Variants in SOBP observed in about 807,000 individuals in gnomAD.
SOBP encodes sine oculis-binding protein homolog.
SOBP carries 4 observed loss-of-function variants against 53.6 expected under a neutral mutation model. The observed-to-expected ratio is 0.07, with a 90% CI of 0.04 to 0.17. SOBP has a LOEUF of 0.17. SOBP is among the 10% of genes least tolerant of loss of function. The pLI is 1.00. For missense variants in SOBP, 1,088 were observed against 1,204.7 expected (o/e 0.90, Z 1.43); for synonymous variants, 584 against 522.6 (o/e 1.12, Z -1.60).
At chr6:107,560,089 G>T (rs12332972) in intron 4 of SOBP, among the ~76,000 whole-genome samples, 3 of 152,120 alleles carry the variant, frequency 2.0e-5, no homozygotes, top group African/African-American at 7.2e-5. Context: ...ATAATGGTAC[G>T]TGCCTTAGAA....
chr6:107,658,902 A>C lies in SOBP; in HGVS notation c.*699A>C, dbSNP rs1238344813. On this transcript the variant is annotated 3_prime_UTR_variant, in exon 7 of 7. Coordinates refer to ENST00000317357, the MANE Select transcript of SOBP (RefSeq NM_018013.4). ...TATGGCTTTTAATTTTCGATTTGAC[A>C]GATGTAAGAAGCAGCATGAATAGTT... 1.3e-5 allele frequency: 2 copies of C among 152,610 alleles called. No individual in the cohort carries two copies. The highest frequency in any genetic ancestry group is 2.9e-5 in the Non-Finnish European group (2 of 68,028). The allele number at this position is 152,610 out of a possible 1,614,324, so 9.5% of individuals were successfully genotyped here.
chr6:107,629,314 T>C (rs1253613082), intron 5 of SOBP, among the ~76,000 whole-genome samples: 2 of 151,822 alleles, frequency 1.3e-5, no homozygotes, highest in Non-Finnish European at 1.5e-5. Context: ...GGTTTCTTAA[T>C]TAAATATTGC....
chr6:107,643,185 A>G (rs534632252), intron 6 of SOBP, among the ~76,000 whole-genome samples: 3 of 152,252 alleles, frequency 2.0e-5, no homozygotes, highest in Non-Finnish European at 4.4e-5. Context: ...AAAGAAATCT[A>G]CACACACACA....
chr6:107,606,484 A>G (rs765609620), intron 5 of SOBP, among the ~76,000 whole-genome samples: 1 of 152,170 alleles, frequency 6.6e-6, no homozygotes, highest in African/African-American at 2.4e-5. Flanking sequence ...GCAGCATTCA[A>G]GGGAATGCAG....
rs575465660 is a variant in SOBP at position 107,619,807 on chromosome 6, T to C, written c.670-13707T>C. On this transcript the variant is annotated intron_variant, in intron 5 of 6. Coordinates refer to ENST00000317357, the MANE Select transcript of SOBP (RefSeq NM_018013.4). ...TGGATTTGAGTAGGTCCACCCAGACTGAGGCTGTCCTGGGTACGCCACACC... is the reference window on the plus strand; with the variant it reads ...TGGATTTGAGTAGGTCCACCCAGACCGAGGCTGTCCTGGGTACGCCACACC... Among the ~76,000 whole-genome samples, 22 of 152,230 alleles carry C rather than the reference T, an allele frequency of 1.4e-4. No homozygotes were observed. In the East Asian group the frequency reaches 4.3e-3, roughly 29 times the overall value.
chr6:107,558,906 T>C (rs1259582888), intron 4 of SOBP, among the ~76,000 whole-genome samples: 6 of 152,088 alleles, frequency 3.9e-5, no homozygotes. Flanking sequence ...TTTCATAGCG[T>C]ATAATACTAC....
chr6:107,550,856 T>A (rs1784440879), intron 4 of SOBP, among the ~76,000 whole-genome samples: 1 of 152,242 alleles, frequency 6.6e-6, no homozygotes, highest in Admixed American at 6.5e-5. Context: ...TCACGGACTT[T>A]GTAGGAATGC....
At position 107,621,756 on chromosome 6, in the gene SOBP, G is replaced by A. The variant is rs1403130028; in HGVS notation, c.670-11758G>A. ...GTGACTGGTGCTGGCCTGAAGCTGA[G>A]CCTAGGGCTAAAACATCCATAGTGA... is the stretch of plus-strand genomic sequence containing the variant. On this transcript the variant is annotated intron_variant, in intron 5 of 6. Transcript: ENST00000317357. Among the ~76,000 whole-genome samples the A allele has an allele frequency of 2.0e-5, 3 of 152,160 alleles. No individual in the cohort carries two copies. The South Asian group carries it at 6.2e-4, about 32-fold the overall frequency.
intron 6 of SOBP, among the ~76,000 whole-genome samples, chr6:107,637,834 A>G (rs1562120545): frequency 6.6e-6 from 1 of 152,244 alleles, no homozygotes; most frequent in East Asian, 1.9e-4. Flanking sequence ...TGGATGATAT[A>G]TGTTTCTGAA....
rs749426173 is a variant in SOBP at position 107,549,039 on chromosome 6, G to A, written c.573+15429G>A. On this transcript the variant is annotated intron_variant, in intron 4 of 6. Coordinates refer to ENST00000317357, the MANE Select transcript of SOBP (RefSeq NM_018013.4). ...TCCCAGCACTTTGGGGGGCCGAGGC[G>A]GGCAGATCATGAGTTCAGGAGATCG... 4.7e-4 allele frequency among the ~76,000 whole-genome samples: 71 copies of A among 152,198 alleles called. 1 individual carries two copies. The highest frequency in any genetic ancestry group is 1.2e-3 in the East Asian group (6 of 5,176).
chr6:107,607,651 TCAG>T (rs1201434434), intron 5 of SOBP, among the ~76,000 whole-genome samples: 1 of 152,216 alleles, frequency 6.6e-6, no homozygotes, highest in Non-Finnish European at 1.5e-5. Context: ...CATGTGTAGT[TCAG>T]CAGCCTTTTG....
In SOBP at chr6:107,658,578, G is replaced by A. The variant is rs1016390393; in HGVS notation, c.*375G>A. 4.6e-5 allele frequency: 7 copies of A among 152,688 alleles called. No individual in the cohort carries two copies. Among genetic ancestry groups the A allele is most frequent in the African/African-American group, 7.2e-5 (3 of 41,474 alleles). 9.5% of individuals were successfully genotyped at this position (152,688 alleles called of 1,614,324 possible). ...CAAGGCTCAGCGACTGAGGCTGGAAGATGATATGGATTGGAACACAAAAAA... is the reference window on the plus strand; with the variant it reads ...CAAGGCTCAGCGACTGAGGCTGGAAAATGATATGGATTGGAACACAAAAAA... On this transcript the variant is annotated 3_prime_UTR_variant, in exon 7 of 7. Coordinates refer to ENST00000317357, the MANE Select transcript of SOBP (RefSeq NM_018013.4).
chr6:107,632,000 T>G (rs774163253), intron 5 of SOBP, among the ~76,000 whole-genome samples: 5 of 152,228 alleles, frequency 3.3e-5, no homozygotes, highest in Non-Finnish European at 7.3e-5. Context: ...CACCACTGTT[T>G]ACAATCAAGG....
chr6:107,645,274 T>G (rs561162661), intron 6 of SOBP, among the ~76,000 whole-genome samples: 1 of 152,332 alleles, frequency 6.6e-6, no homozygotes, highest in African/African-American at 2.4e-5. Flanking sequence ...CGAAACTTAA[T>G]AACTCCTCAT....
At chr6:107,596,860 G>C (rs1187900510) in intron 5 of SOBP, among the ~76,000 whole-genome samples, 1 of 152,154 alleles carries the variant, frequency 6.6e-6, no homozygotes, top group Non-Finnish European at 1.5e-5. Context: ...ATCTCTTAGA[G>C]AGCTTCCCAA....
At chr6:107,586,004 G>A (rs966031758) in intron 4 of SOBP, among the ~76,000 whole-genome samples, 2 of 152,112 alleles carry the variant, frequency 1.3e-5, no homozygotes, top group African/African-American at 4.8e-5. Flanking sequence ...CTGTTCCCTT[G>A]GTGCCAGACA....
intron 4 of SOBP, among the ~76,000 whole-genome samples, chr6:107,565,857 G>C (rs1441057777): frequency 6.6e-6 from 1 of 152,184 alleles, no homozygotes; most frequent in African/African-American, 2.4e-5. Context: ...AGGCATCCTG[G>C]CTCGTCCCGC....
chr6:107,603,062 AAAG>A (rs1371918770), intron 5 of SOBP, among the ~76,000 whole-genome samples: 1 of 152,190 alleles, frequency 6.6e-6, no homozygotes, highest in African/African-American at 2.4e-5. Context: ...ATCAGAATAG[AAAG>A]AAGGATACAT....
In SOBP at chr6:107,490,625, A is replaced by C. The variant is rs751437616; in HGVS notation, c.9A>C (p.Glu3Asp). MA[E>D]MEKEGRPPEN... Reference sequence around the variant, plus strand: ...AAACCAGACACAAAAACATGGCAGAAATGGAGAAAGAAGGGAGACCTCCCG... The same window carrying C: ...AAACCAGACACAAAAACATGGCAGACATGGAGAAAGAAGGGAGACCTCCCG... Residue 3 changes from glutamate (E) to aspartate (D), a missense_variant, in exon 1 of 7, where the codon GAA becomes GAC. Physicochemically the swap from Glu to Asp is conservative, Grantham distance 45 (BLOSUM62 2). Transcript: ENST00000317357. The C allele has an allele frequency of 8.7e-6, 14 of 1,603,872 alleles. No homozygotes were observed. The South Asian group carries it at 1.6e-4, about 18-fold the overall frequency.
Sources: allele counts gnomAD v4.1 joint callset (sites outside exome capture counted in the v4.1 genomes callset), GRCh38; gene constraint gnomAD v4.1.1; transcripts MANE v1.5; gene names NCBI Gene and HGNC (gene_info 2026-07-23, HGNC 2026-07-21).